Variants in SPRTN observed in about 807,000 individuals in gnomAD.
The protein encoded by SPRTN is DNA-dependent metalloprotease SPRTN.
A neutral mutation model predicts 31.9 loss-of-function variants in SPRTN; 11 were observed. That is an observed-to-expected ratio of 0.34 (90% confidence interval 0.22 to 0.57). The LOEUF is 0.57. Ranked by LOEUF, SPRTN falls within the 20% of genes least tolerant of loss-of-function variation. The pLI, the probability that SPRTN is intolerant of heterozygous loss-of-function variation, is 0.86. For missense variants in SPRTN, 482 were observed against 590.1 expected, an observed-to-expected ratio of 0.82 and a Z score of 1.90; for synonymous variants, 185 against 212.1, an observed-to-expected ratio of 0.87 and a Z score of 1.11.
At chr1:231,351,205 TAAA>T (rs35814914) in intron 3 of SPRTN, 96 bp from the exon 4 acceptor site, 185,593 of 947,148 alleles carry the variant, frequency 0.2, 2,495 homozygotes, top group East Asian at 0.24. Flanking sequence ...TTTCAAAAAT[TAAA>T]AAAAAAAAAA....
chr1:231,346,190 T>C (rs1458491444), intron 2 of SPRTN, among the ~76,000 whole-genome samples: 1,274 of 44,346 alleles, frequency 0.029, 15 homozygotes, highest in African/African-American at 0.062. Context: ...TTTCTTTTTT[T>C]TTTTTTTTTT....
chr1:231,353,569 A>G lies in SPRTN; in HGVS notation c.*208A>G, dbSNP rs1018464567. 2.4e-6 allele frequency: 3 copies of G among 1,247,546 alleles called. No homozygotes were observed. The highest frequency in any genetic ancestry group is 3.0e-6 in the Non-Finnish European group (3 of 995,528). The allele number at this position is 1,247,546 out of a possible 1,614,324, so 77.3% of individuals were successfully genotyped here. A position where few individuals can be genotyped will look rare whatever the true frequency, so the allele number is the denominator to read the frequency against. On this transcript the variant is annotated 3_prime_UTR_variant, in exon 5 of 5. Transcript: ENST00000295050. ...AGGGTGCTACATTCACTCTTGCCTT[A>G]GGTATACTGTAACCCAGGTTCTGCC... is the stretch of plus-strand genomic sequence containing the variant.
intron 3 of SPRTN, 111 bp downstream of exon 3, chr1:231,348,036 C>G (rs1363510988): frequency 2.1e-6 from 3 of 1,447,258 alleles, no homozygotes; most frequent in Non-Finnish European, 1.8e-6. Flanking sequence ...TGAGGATTTT[C>G]CACAGCGAAC....
At position 231,354,158 on chromosome 1, in the gene SPRTN, G is replaced by T; in HGVS notation, c.*797G>T. 1.0e-6 allele frequency: 1 copy of T among 985,068 alleles called. No homozygotes were observed. Among genetic ancestry groups the T allele is most frequent in the African/African-American group, 1.7e-5 (1 of 57,322 alleles). 61.0% of individuals were successfully genotyped at this position (985,068 alleles called of 1,614,324 possible). On this transcript the variant is annotated 3_prime_UTR_variant, in exon 5 of 5. Transcript: ENST00000295050. The stretch of plus-strand genomic sequence containing the variant: ...AACATAACAAAGTTGCCTAGTTGAT[G>T]TAACAGTGGAAAGTTATCTGGAAAT...
At chr1:231,349,640 T>C (rs1687163787) in intron 3 of SPRTN, among the ~76,000 whole-genome samples, 1 of 152,150 alleles carries the variant, frequency 6.6e-6, no homozygotes, top group South Asian at 2.1e-4. Context: ...ATCTACATTG[T>C]AGAGTAATTT....
At position 231,354,033 on chromosome 1, in the gene SPRTN, A is replaced by C. The variant is rs1434632447; in HGVS notation, c.*672A>C. 1.0e-6 allele frequency: 1 copy of C among 963,226 alleles called. No individual in the cohort carries two copies. The highest frequency in any genetic ancestry group is 1.8e-5 in the African/African-American group (1 of 56,814). 59.7% of individuals were successfully genotyped at this position (963,226 alleles called of 1,614,324 possible). On this transcript the variant is annotated 3_prime_UTR_variant, in exon 5 of 5. Transcript: ENST00000295050. The stretch of plus-strand genomic sequence containing the variant: ...TTTTTAGTAACAAATAGCCACTATA[A>C]TTCTGTAGGCCAAATTTTATATTGA...
At position 231,339,836 on chromosome 1, in the gene SPRTN, T is replaced by C. The variant is rs1382933103; in HGVS notation, c.289T>C (p.Leu97=). The C allele has an allele frequency of 6.2e-7, 1 of 1,614,082 alleles. No homozygotes were observed. Among genetic ancestry groups the C allele is most frequent in the Non-Finnish European group, 8.5e-7 (1 of 1,179,980 alleles). The change falls in exon 2 of 5, where the codon TTG becomes CTG. Residue 97 remains leucine, a synonymous_variant. Transcript: ENST00000295050. ...MCSIRLSEPL[L]KLRPRKDLVE... ...TTCCATCCGTCTCAGCGAACCCCTTTTGAAGTTGAGGCCAAGAAAGGATCT... is the reference window on the plus strand; with the variant it reads ...TTCCATCCGTCTCAGCGAACCCCTTCTGAAGTTGAGGCCAAGAAAGGATCT...
At chr1:231,347,978 T>A in intron 3 of SPRTN, 53 bp downstream of exon 3, 1 of 1,568,166 alleles carries the variant, frequency 6.4e-7, no homozygotes, top group Non-Finnish European at 8.6e-7. Flanking sequence ...ATTCAATAAC[T>A]CCTGAGATTT....
intron 4 of SPRTN, 126 bp from the exon 5 acceptor site, chr1:231,352,484 G>T: frequency 7.0e-7 from 1 of 1,438,512 alleles, no homozygotes; most frequent in Non-Finnish European, 9.1e-7. Flanking sequence ...AGGATTGTAT[G>T]GATGTAAGAT....
At position 231,353,346 on chromosome 1, in the gene SPRTN, C is replaced by T. The variant is rs776875259; in HGVS notation, c.1455C>T (p.Ser485=). 1.0e-5 allele frequency: 16 copies of T among 1,582,154 alleles called. No individual in the cohort carries two copies. Among genetic ancestry groups the T allele is most frequent in the Admixed American group, 9.7e-5 (5 of 51,796 alleles). The change falls in exon 5 of 5, where the codon AGC becomes AGT. Residue 485 remains serine, a synonymous_variant. Coordinates refer to ENST00000295050, the MANE Select transcript of SPRTN (RefSeq NM_032018.7). ...CLEGDSIKVK[S]EESL is the part of the protein sequence containing the mutation. Reference sequence around the variant, plus strand: ...AAGGTGACAGCATCAAAGTCAAAAGCGAAGAAAGTCTTTGAAAAAGGTTTC... The same window carrying T: ...AAGGTGACAGCATCAAAGTCAAAAGTGAAGAAAGTCTTTGAAAAAGGTTTC...
intron 2 of SPRTN, among the ~76,000 whole-genome samples, chr1:231,345,343 G>T (rs1687024923): frequency 1.3e-5 from 2 of 152,112 alleles, no homozygotes; most frequent in South Asian, 4.1e-4. Context: ...GGCCAGGCTG[G>T]TCTTGAACTC....
chr1:231,351,258 G>GT (rs1687222040), intron 3 of SPRTN, 46 bp from the exon 4 acceptor site: 1 of 1,399,694 alleles, frequency 7.1e-7, no homozygotes, highest in Non-Finnish European at 9.3e-7. Flanking sequence ...TTTTCTTGCA[G>GT]TTGTTAACTT....
At chr1:231,348,731 T>C (rs977490845) in intron 3 of SPRTN, among the ~76,000 whole-genome samples, 3 of 152,186 alleles carry the variant, frequency 2.0e-5, no homozygotes, top group Non-Finnish European at 2.9e-5. Context: ...ATCTCATTTC[T>C]CCCTCTTTTG....
At chr1:231,350,017 C>G (rs2250749) in intron 3 of SPRTN, among the ~76,000 whole-genome samples, 86,268 of 152,012 alleles carry the variant, frequency 0.57, 25,219 homozygotes, top group Non-Finnish European at 0.64. Context: ...TGTCACAGAA[C>G]AAACAAACAA....
intron 3 of SPRTN, among the ~76,000 whole-genome samples, chr1:231,350,166 G>A (rs978504259): frequency 2.6e-5 from 4 of 152,126 alleles, no homozygotes; most frequent in Admixed American, 2.6e-4. Context: ...TGCATTCTTT[G>A]CATGCTTACC....
chr1:231,346,090 C>A (rs1054048782), intron 2 of SPRTN, among the ~76,000 whole-genome samples: 2 of 151,966 alleles, frequency 1.3e-5, no homozygotes, highest in Admixed American at 6.6e-5. Context: ...GCTGGGATTA[C>A]AGACATGAGC....
intron 4 of SPRTN, chr1:231,352,047 A>G: frequency 1.0e-6 from 1 of 990,474 alleles, no homozygotes. Context: ...ATGTATGTTC[A>G]TTCAAAGAAT....
Position 231,338,506 on chromosome 1 carries a change from C to G in SPRTN, c.123C>G (p.Pro41=). 1 of 1,614,258 alleles carries G rather than the reference C, an allele frequency of 6.2e-7. No homozygotes were observed. The highest frequency in any genetic ancestry group is 1.1e-5 in the South Asian group (1 of 91,088). ...ACGCGTCGTGGGAGTTGGTGGACCC[C>G]ACACCGGACTTGCAGGCACTGTTTG... The part of the protein sequence containing the change: ...LVDASWELVD[P]TPDLQALFVQ... The change falls in exon 1 of 5, where the codon CCC becomes CCG. Residue 41 remains proline (P), a synonymous_variant. Coordinates refer to ENST00000295050, the MANE Select transcript of SPRTN (RefSeq NM_032018.7).
rs774732825 is a variant in SPRTN at position 231,338,474 on chromosome 1, C to T, written c.91C>T (p.Leu31=). ...CGATCATGCCCAGGAGTCCCTGTCG[C>T]TAGTGGACGCGTCGTGGGAGTTGGT... ...ERDHAQESLS[L]VDASWELVDP... The change falls in exon 1 of 5, where the codon CTA becomes TTA. Residue 31 remains leucine, a synonymous_variant. Transcript: ENST00000295050. The T allele has an allele frequency of 1.2e-6, 2 of 1,614,142 alleles. No homozygotes were observed. Among genetic ancestry groups the T allele is most frequent in the African/African-American group, 2.7e-5 (2 of 74,948 alleles).
Sources: allele counts gnomAD v4.1 joint callset (sites outside exome capture counted in the v4.1 genomes callset), GRCh38; gene constraint gnomAD v4.1.1; transcripts MANE v1.5; gene names NCBI Gene and HGNC (gene_info 2026-07-23, HGNC 2026-07-21).